The following TNFSF15 variants were observed in gnomAD, a reference collection of about 807,000 sequenced individuals.
TNFSF15 encodes TNF superfamily member 15, also known as tumor necrosis factor ligand superfamily member 15.
Under a neutral mutation model 26.4 loss-of-function variants are expected in TNFSF15, and 15 were observed. The observed-to-expected ratio is 0.57, with a 90% CI of 0.38 to 0.87. The LOEUF (loss-of-function observed/expected upper bound fraction) is 0.87, where lower values mean the gene tolerates loss of function less well. Among genes scored for constraint, TNFSF15 ranks in the 40% least tolerant of loss-of-function variants. The pLI, the probability that TNFSF15 is intolerant of heterozygous loss-of-function variation, is 0.00. For missense variants in TNFSF15, 290 were observed against 306.1 expected (o/e 0.95, Z 0.39); for synonymous variants, 116 against 115.0 (o/e 1.01, Z -0.06).
chr9:114,795,559 G>C (rs1829663248), intron 1 of TNFSF15, among the ~76,000 whole-genome samples: 1 of 152,166 alleles, frequency 6.6e-6, no homozygotes, highest in Non-Finnish European at 1.5e-5. Context: ...GCAATCTATG[G>C]ATGATTTAAA....
At chr9:114,800,816 A>G (rs1169104547) in intron 1 of TNFSF15, among the ~76,000 whole-genome samples, 1 of 152,214 alleles carries the variant, frequency 6.6e-6, no homozygotes, top group African/African-American at 2.4e-5. Context: ...TAAGTTATTA[A>G]GAGGTCGCAG....
chr9:114,794,985 A>C (rs893276483), intron 1 of TNFSF15, among the ~76,000 whole-genome samples: 1 of 152,176 alleles, frequency 6.6e-6, no homozygotes, highest in African/African-American at 2.4e-5. Context: ...TATGGTGACT[A>C]TATTTAGGAA....
At chr9:114,798,372 GTT>G in intron 1 of TNFSF15, among the ~76,000 whole-genome samples, 1 of 142,958 alleles carries the variant, frequency 7.0e-6, no homozygotes, top group African/African-American at 2.5e-5. Flanking sequence ...TTTGATTTTT[GTT>G]TTTTTTTTTG....
At chr9:114,797,575 G>T (rs1485597725) in intron 1 of TNFSF15, among the ~76,000 whole-genome samples, 1 of 152,236 alleles carries the variant, frequency 6.6e-6, no homozygotes, top group Non-Finnish European at 1.5e-5. Flanking sequence ...AAAGGTTTAT[G>T]CATTACAGCT....
At chr9:114,794,215 A>G (rs1829646830) in intron 1 of TNFSF15, among the ~76,000 whole-genome samples, 1 of 152,182 alleles carries the variant, frequency 6.6e-6, no homozygotes, top group East Asian at 1.9e-4. Context: ...CTTTATTTCT[A>G]AAGTGGGAAT....
Position 114,789,666 on chromosome 9 carries a change from A to C in TNFSF15, c.*786T>G, listed in dbSNP as rs1405570901. ...GTTGACTGATGTTTGATCAGGAAGT[A>C]TCTAGTGGTGTTCATATAAATTTTG... On this transcript the variant is annotated 3_prime_UTR_variant, in exon 4 of 4. Transcript: ENST00000374045. 1 of 152,150 alleles carries C rather than the reference A, an allele frequency of 6.6e-6. No homozygotes were observed. The highest frequency in any genetic ancestry group is 1.5e-5 in the Non-Finnish European group (1 of 68,022). 9.4% of individuals were successfully genotyped at this position (152,150 alleles called of 1,614,324 possible).
chr9:114,800,302 C>T (rs1170042805), intron 1 of TNFSF15, among the ~76,000 whole-genome samples: 3 of 152,146 alleles, frequency 2.0e-5, no homozygotes, highest in East Asian at 1.9e-4. Flanking sequence ...TCCCACCCCT[C>T]CAACCCTCCC....
intron 3 of TNFSF15, chr9:114,791,157 A>T (rs994163487): frequency 1.7e-6 from 1 of 579,546 alleles, no homozygotes; most frequent in African/African-American, 1.9e-5. Context: ...CTGACCTGAA[A>T]ATTTTTAATT....
In TNFSF15 at chr9:114,786,097, T is replaced by C. The variant is rs1476770418; in HGVS notation, c.*4355A>G. 4 of 152,248 alleles carry C rather than the reference T, an allele frequency of 2.6e-5. No individual in the cohort carries two copies. The highest frequency in any genetic ancestry group is 5.9e-5 in the Non-Finnish European group (4 of 68,036). 9.4% of individuals were successfully genotyped at this position (152,248 alleles called of 1,614,324 possible). ...TTCTCTCACCACTGGTGCAAAAGGA[T>C]TCAAGGCTTATTAGGTTAACAGTCT... is the stretch of plus-strand genomic sequence containing the variant. On this transcript the variant is annotated 3_prime_UTR_variant, in exon 4 of 4. Transcript: ENST00000374045.
chr9:114,802,397 C>T (rs910679713), intron 1 of TNFSF15, among the ~76,000 whole-genome samples: 10 of 152,060 alleles, frequency 6.6e-5, no homozygotes, highest in Admixed American at 1.3e-4. Context: ...GGACTACAGG[C>T]GCGCGCCACC....
At chr9:114,792,946 T>A (rs1232399567) in intron 2 of TNFSF15, among the ~76,000 whole-genome samples, 1 of 152,210 alleles carries the variant, frequency 6.6e-6, no homozygotes, top group African/African-American at 2.4e-5. Context: ...TGGGAACTAT[T>A]CTTTAGCTAT....
At chr9:114,792,591 C>A in intron 2 of TNFSF15, 137 bp from the exon 3 acceptor site, 1 of 1,528,314 alleles carries the variant, frequency 6.5e-7, no homozygotes, top group South Asian at 1.2e-5. Context: ...CCACTCCTTG[C>A]AGGATTTTGG....
intron 1 of TNFSF15, among the ~76,000 whole-genome samples, chr9:114,794,965 G>GGTA (rs1440297493): frequency 6.6e-6 from 1 of 152,030 alleles, no homozygotes; most frequent in African/African-American, 2.4e-5. Context: ...TCTAATGTTT[G>GGTA]GTAGCAGAGT....
intron 1 of TNFSF15, among the ~76,000 whole-genome samples, chr9:114,804,904 A>G (rs936388263): frequency 1.2e-4 from 19 of 152,166 alleles, no homozygotes; most frequent in Non-Finnish European, 2.5e-4. Context: ...TCCCTTTGCA[A>G]TTTAATACTT....
intron 1 of TNFSF15, among the ~76,000 whole-genome samples, chr9:114,805,495 TAA>T (rs1262186847): frequency 2.6e-5 from 4 of 152,224 alleles, no homozygotes; most frequent in Admixed American, 2.0e-4. Context: ...TATGTAATTT[TAA>T]GTTTTTTTCT....
intron 1 of TNFSF15, among the ~76,000 whole-genome samples, chr9:114,800,390 G>A (rs1184527764): frequency 6.6e-6 from 1 of 152,122 alleles, no homozygotes; most frequent in Non-Finnish European, 1.5e-5. Context: ...AAGAGGACTG[G>A]CATTTATTGA....
chr9:114,794,499 C>A (rs1310715353), intron 1 of TNFSF15, among the ~76,000 whole-genome samples: 1 of 152,146 alleles, frequency 6.6e-6, no homozygotes, highest in East Asian at 1.9e-4. Flanking sequence ...ACCATACAGT[C>A]TAGCAATCTC....
chr9:114,791,012 C>A, intron 3 of TNFSF15, 106 bp from the exon 4 acceptor site: 1 of 1,126,338 alleles, frequency 8.9e-7, no homozygotes, highest in South Asian at 1.5e-5. Flanking sequence ...ATCGAATATA[C>A]CTAACAGCTA....
At chr9:114,800,675 T>A (rs891154516) in intron 1 of TNFSF15, among the ~76,000 whole-genome samples, 3 of 152,190 alleles carry the variant, frequency 2.0e-5, no homozygotes, top group Admixed American at 2.0e-4. Flanking sequence ...ATGCATGTAG[T>A]AATGATAGCA....
Sources: allele counts gnomAD v4.1 joint callset (sites outside exome capture counted in the v4.1 genomes callset), GRCh38; gene constraint gnomAD v4.1.1; transcripts MANE v1.5; gene names NCBI Gene and HGNC (gene_info 2026-07-23, HGNC 2026-07-21).